Variants in CTXND2 observed in about 807,000 individuals in gnomAD.
The protein encoded by CTXND2 is cortexin domain containing 2.
chr1:150,894,353 T>C (rs956619586), intron 1 of CTXND2, among the ~76,000 whole-genome samples: 1 of 152,214 alleles, frequency 6.6e-6, no homozygotes, highest in Admixed American at 6.5e-5. Flanking sequence ...TTGCTAATTA[T>C]AGGGCACAAG....
At chr1:150,911,366 T>G (rs984284548) in intron 1 of CTXND2, among the ~76,000 whole-genome samples, 18 of 152,244 alleles carry the variant, frequency 1.2e-4, no homozygotes, top group African/African-American at 4.3e-4. Flanking sequence ...CCTCTTACTT[T>G]GTTTTTCTTT....
chr1:150,901,537 G>T (rs1448574124), intron 1 of CTXND2, among the ~76,000 whole-genome samples: 4 of 152,182 alleles, frequency 2.6e-5, no homozygotes, highest in African/African-American at 9.6e-5. Flanking sequence ...ATTGGTGTAA[G>T]GTTAGATATA....
chr1:150,889,298 G>T (rs754898921), intron 1 of CTXND2, among the ~76,000 whole-genome samples: 2 of 151,402 alleles, frequency 1.3e-5, no homozygotes, highest in Non-Finnish European at 2.9e-5. Flanking sequence ...TACTCGGGAG[G>T]CTGAGGCAGG....
chr1:150,896,852 G>T (rs1182457842), intron 1 of CTXND2, among the ~76,000 whole-genome samples: 1 of 152,118 alleles, frequency 6.6e-6, no homozygotes, highest in South Asian at 2.1e-4. Context: ...AATTTTATCA[G>T]CCAGTACAGA....
intron 1 of CTXND2, among the ~76,000 whole-genome samples, chr1:150,906,749 C>T (rs1162441566): frequency 1.3e-5 from 2 of 152,154 alleles, no homozygotes; most frequent in Admixed American, 1.3e-4. Flanking sequence ...AGTCTGGCCA[C>T]TCCCCTTGAA....
intron 1 of CTXND2, among the ~76,000 whole-genome samples, chr1:150,910,519 G>A (rs1480559111): frequency 6.6e-6 from 1 of 152,036 alleles, no homozygotes; most frequent in Admixed American, 6.6e-5. Context: ...TTTTGCATGT[G>A]GCTATCCAGT....
chr1:150,896,705 CA>C (rs1267463369), intron 1 of CTXND2, among the ~76,000 whole-genome samples: 1 of 152,172 alleles, frequency 6.6e-6, no homozygotes, highest in African/African-American at 2.4e-5. Context: ...ATTCATTCAA[CA>C]AAGTTTTACA....
chr1:150,912,749 A>G (rs587724153), exon 2 of CTXND2: 6 of 293,246 alleles, frequency 2.0e-5, no homozygotes, highest in African/African-American at 1.3e-4. Flanking sequence ...CCATAATTTT[A>G]TGATGTAATG....
chr1:150,905,907 G>A (rs939207551), intron 1 of CTXND2, among the ~76,000 whole-genome samples: 5 of 150,658 alleles, frequency 3.3e-5, no homozygotes, highest in African/African-American at 7.3e-5. Context: ...GGAGAATGGC[G>A]TGAACCCGGG....
At chr1:150,897,401 T>C (rs1296847763) in intron 1 of CTXND2, among the ~76,000 whole-genome samples, 1 of 152,222 alleles carries the variant, frequency 6.6e-6, no homozygotes, top group African/African-American at 2.4e-5. Context: ...ATTGGCTCAC[T>C]GCAATCTCTA....
At chr1:150,905,441 C>T (rs1049577247) in intron 1 of CTXND2, among the ~76,000 whole-genome samples, 34 of 152,174 alleles carry the variant, frequency 2.2e-4, no homozygotes, top group Admixed American at 1.5e-3. Flanking sequence ...CCGTGGCACC[C>T]GGCCTTATCT....
chr1:150,900,060 A>G (rs1438370217), intron 1 of CTXND2, among the ~76,000 whole-genome samples: 1 of 152,154 alleles, frequency 6.6e-6, no homozygotes, highest in Non-Finnish European at 1.5e-5. Context: ...TAAGGGAATA[A>G]AAGCTGGCCG....
chr1:150,899,706 C>T (rs996496795), intron 1 of CTXND2, among the ~76,000 whole-genome samples: 2 of 151,980 alleles, frequency 1.3e-5, no homozygotes, highest in African/African-American at 4.8e-5. Flanking sequence ...GCCTGTAATC[C>T]CAACACTTTG....
At chr1:150,905,194 A>G (rs1669118255) in intron 1 of CTXND2, among the ~76,000 whole-genome samples, 1 of 137,096 alleles carries the variant, frequency 7.3e-6, no homozygotes, top group Non-Finnish European at 1.5e-5. Flanking sequence ...CCCAGGCTGG[A>G]GTGCAAGGGT....
At chr1:150,893,975 C>CT (rs963967571) in intron 1 of CTXND2, among the ~76,000 whole-genome samples, 2 of 129,462 alleles carry the variant, frequency 1.5e-5, no homozygotes, top group Non-Finnish European at 3.4e-5. Context: ...ATATTAGTAT[C>CT]TTTTTTTTCT....
At chr1:150,907,383 C>A (rs751500343) in intron 1 of CTXND2, among the ~76,000 whole-genome samples, 2 of 152,310 alleles carry the variant, frequency 1.3e-5, no homozygotes, top group Admixed American at 6.5e-5. Flanking sequence ...CTATAGATTT[C>A]TCTATTCTAG....
chr1:150,898,617 G>A (rs936550569), intron 1 of CTXND2, among the ~76,000 whole-genome samples: 1 of 151,246 alleles, frequency 6.6e-6, no homozygotes, highest in Non-Finnish European at 1.5e-5. Context: ...TTAGCTGGGC[G>A]TGGTGGTGCC....
intron 1 of CTXND2, among the ~76,000 whole-genome samples, chr1:150,898,093 C>A (rs1668933088): frequency 6.6e-6 from 1 of 151,810 alleles, no homozygotes; most frequent in African/African-American, 2.4e-5. Flanking sequence ...GTTGCCCAGG[C>A]TAGCCTCAAA....
intron 1 of CTXND2, among the ~76,000 whole-genome samples, chr1:150,900,036 C>G (rs893509191): frequency 2.0e-5 from 3 of 152,150 alleles, no homozygotes; most frequent in African/African-American, 4.8e-5. Context: ...CAGCAGGACA[C>G]GGGCAGGGCC....
Sources: allele counts gnomAD v4.1 joint callset (sites outside exome capture counted in the v4.1 genomes callset), GRCh38; gene constraint gnomAD v4.1.1; transcripts MANE v1.5; gene names NCBI Gene and HGNC (gene_info 2026-07-23, HGNC 2026-07-21).